The following NWD2 variants were observed in gnomAD, a reference collection of about 807,000 sequenced individuals.
NWD2 encodes NACHT and WD repeat domain-containing protein 2.
NWD2 carries 37 observed loss-of-function variants against 132.7 expected under a neutral mutation model. That is an observed-to-expected ratio of 0.28 (90% CI 0.21 to 0.37). NWD2 has a LOEUF of 0.37. Ranked by LOEUF, NWD2 falls within the 10% of genes least tolerant of loss-of-function variation. NWD2 has a pLI of 1.00. For missense variants in NWD2, 1,592 were observed against 2,122.4 expected (o/e 0.75, Z 4.91); for synonymous variants, 705 against 803.0 (o/e 0.88, Z 2.06).
intron 1 of NWD2, among the ~76,000 whole-genome samples, chr4:37,298,825 TATG>T: frequency 6.6e-6 from 1 of 152,254 alleles, no homozygotes; most frequent in South Asian, 2.1e-4. Context: ...ATCACCCCGT[TATG>T]ATGATGATGA....
intron 2 of NWD2, 118 bp from the exon 3 acceptor site, chr4:37,356,248 C>T (rs940885449): frequency 1.2e-5 from 6 of 511,064 alleles, no homozygotes; most frequent in Non-Finnish European, 2.1e-5. Flanking sequence ...AAAATCACTT[C>T]CCCTCTGTAA....
chr4:37,398,920 C>T (rs143266545), intron 3 of NWD2, among the ~76,000 whole-genome samples: 184 of 152,068 alleles, frequency 1.2e-3, no homozygotes, highest in Non-Finnish European at 2.3e-3. Flanking sequence ...CAAGGGAAAA[C>T]GCCAGATGTG....
At chr4:37,427,765 C>T (rs1339308996) in intron 3 of NWD2, among the ~76,000 whole-genome samples, 1 of 152,142 alleles carries the variant, frequency 6.6e-6, no homozygotes. Flanking sequence ...TTCAGTTACC[C>T]ACAGTCACCT....
intron 2 of NWD2, among the ~76,000 whole-genome samples, chr4:37,337,974 A>G (rs1464853756): frequency 6.6e-6 from 1 of 152,180 alleles, no homozygotes; most frequent in Non-Finnish European, 1.5e-5. Context: ...CTCATCTGCC[A>G]CAGTGTTTCT....
intron 2 of NWD2, among the ~76,000 whole-genome samples, chr4:37,331,738 C>T (rs1175851065): frequency 6.6e-6 from 1 of 152,154 alleles, no homozygotes; most frequent in Non-Finnish European, 1.5e-5. Flanking sequence ...TGAGTGATCC[C>T]AGTACCTGGT....
chr4:37,273,711 C>A (rs575015803), intron 1 of NWD2, among the ~76,000 whole-genome samples: 2 of 152,016 alleles, frequency 1.3e-5, no homozygotes, highest in African/African-American at 4.8e-5. Flanking sequence ...TGTAAAAGGA[C>A]AGAAATTATT....
Position 37,388,635 on chromosome 4 carries a change from CAT to C in NWD2, c.357+32159_357+32160del, listed in dbSNP as rs1468416576. On this transcript the variant is annotated intron_variant, in intron 3 of 6. Transcript: ENST00000309447. ...GAAAATATATATTTATGTTATATAT[CAT>C]ATATAAATATATATATCATATATAT... 6.8e-5 allele frequency among the ~76,000 whole-genome samples: 10 copies of C among 145,998 alleles called. No homozygotes were observed. The East Asian group carries it at 9.8e-4, about 14-fold the overall frequency.
intron 2 of NWD2, among the ~76,000 whole-genome samples, chr4:37,344,072 A>T (rs1180980207): frequency 6.6e-6 from 1 of 152,218 alleles, no homozygotes; most frequent in Non-Finnish European, 1.5e-5. Flanking sequence ...GACAAATAAA[A>T]TGTGCTGTCA....
At chr4:37,353,667 T>G (rs1018141864) in intron 2 of NWD2, among the ~76,000 whole-genome samples, 42 of 152,022 alleles carry the variant, frequency 2.8e-4, no homozygotes, top group Admixed American at 8.5e-4. Flanking sequence ...CTTCACGAAG[T>G]TCTCATGCTG....
Position 37,311,752 on chromosome 4 carries a change from A to G in NWD2, c.152-14184A>G, listed in dbSNP as rs981117716. The stretch of plus-strand genomic sequence containing the variant: ...GCCTAGGTTTTCTTCTAGGGTTTTT[A>G]TGGTTTTAGGTCTAACATTTAAGTC... On this transcript the variant is annotated intron_variant, in intron 1 of 6. Transcript: ENST00000309447. Among the ~76,000 whole-genome samples the G allele has an allele frequency of 1.0e-4, 15 of 148,816 alleles. 1 individual carries two copies. The highest frequency in any genetic ancestry group is 3.9e-4 in the African/African-American group (15 of 38,304).
rs534819476 is a variant in NWD2 at position 37,342,963 on chromosome 4, G to A, written c.241-13403G>A. 2.1e-4 allele frequency among the ~76,000 whole-genome samples: 32 copies of A among 152,230 alleles called. No individual in the cohort carries two copies. In the South Asian group the frequency reaches 5.0e-3, roughly 24 times the overall value. On this transcript the variant is annotated intron_variant, in intron 2 of 6. Coordinates refer to ENST00000309447, the MANE Select transcript of NWD2 (RefSeq NM_001144990.2). ...ATGCCCTCCTATATATCCGTCATATGTCTCATAATCAAGAGAATAATTGCA... is the reference window on the plus strand; with the variant it reads ...ATGCCCTCCTATATATCCGTCATATATCTCATAATCAAGAGAATAATTGCA...
At chr4:37,437,348 A>C (rs532806148) in intron 5 of NWD2, among the ~76,000 whole-genome samples, 5 of 152,236 alleles carry the variant, frequency 3.3e-5, no homozygotes, top group Admixed American at 1.3e-4. Flanking sequence ...GAACTCTCTG[A>C]GATCTCTTTT....
chr4:37,301,000 A>G (rs1718601992), intron 1 of NWD2, among the ~76,000 whole-genome samples: 1 of 151,974 alleles, frequency 6.6e-6, no homozygotes, highest in African/African-American at 2.4e-5. Flanking sequence ...ATTTGAGATA[A>G]TTTTTCTTCT....
At chr4:37,413,269 G>A (rs1721198771) in intron 3 of NWD2, among the ~76,000 whole-genome samples, 1 of 151,934 alleles carries the variant, frequency 6.6e-6, no homozygotes, top group Admixed American at 6.6e-5. Context: ...TTAAACAAAT[G>A]TACAAGAAAA....
chr4:37,262,357 A>T (rs1395468358), intron 1 of NWD2, among the ~76,000 whole-genome samples: 1 of 152,194 alleles, frequency 6.6e-6, no homozygotes, highest in Non-Finnish European at 1.5e-5. Flanking sequence ...TCCCACCAAC[A>T]GTATACAGCT....
intron 1 of NWD2, among the ~76,000 whole-genome samples, chr4:37,299,634 G>C (rs1577660182): frequency 6.6e-6 from 1 of 152,236 alleles, no homozygotes; most frequent in African/African-American, 2.4e-5. Flanking sequence ...TTAACACCTA[G>C]CAGAGTGTTG....
chr4:37,327,906 C>T (rs1719206444), intron 2 of NWD2, among the ~76,000 whole-genome samples: 3 of 152,134 alleles, frequency 2.0e-5, no homozygotes, highest in Admixed American at 2.0e-4. Context: ...CCTAGAGTTA[C>T]TCAAACATAC....
At chr4:37,428,119 T>A (rs1044748770) in intron 3 of NWD2, among the ~76,000 whole-genome samples, 1 of 152,208 alleles carries the variant, frequency 6.6e-6, no homozygotes, top group African/African-American at 2.4e-5. Flanking sequence ...TGTTGTAGAA[T>A]TTAGGTCATG....
At chr4:37,406,690 G>A (rs115194301) in intron 3 of NWD2, among the ~76,000 whole-genome samples, 294 of 152,256 alleles carry the variant, frequency 1.9e-3, no homozygotes, top group African/African-American at 6.8e-3. Context: ...CTGAGGTCAC[G>A]AGTTTGAGAC....
Sources: allele counts gnomAD v4.1 joint callset (sites outside exome capture counted in the v4.1 genomes callset), GRCh38; gene constraint gnomAD v4.1.1; transcripts MANE v1.5; gene names NCBI Gene and HGNC (gene_info 2026-07-23, HGNC 2026-07-21).